KDELR3: variants seen among roughly 807,000 people sequenced by gnomAD.
KDELR3 encodes the protein KDEL endoplasmic reticulum protein retention receptor 3.
Under a neutral mutation model 22.7 loss-of-function variants are expected in KDELR3, and 26 were observed. The ratio of observed to expected loss-of-function variants is 1.15; its 90% confidence interval spans 0.84 to 1.59. The LOEUF is 1.59. Ranked by LOEUF, KDELR3 falls within the 40% of genes most tolerant of loss-of-function variation. KDELR3 has a pLI of 0.00. For synonymous variants in KDELR3, 120 were observed against 98.2 expected, an observed-to-expected ratio of 1.22 and a Z score of -1.31; for missense variants, 289 against 251.1, an observed-to-expected ratio of 1.15 and a Z score of -1.02.
rs1391714018 is a variant in KDELR3, at chr22:38,468,609, G to A, written c.91+285G>A. On this transcript the variant is annotated intron_variant, in intron 1 of 4. Coordinates refer to ENST00000216014, the MANE Select transcript of KDELR3 (RefSeq NM_006855.4). ...TGGAAGAGGGGGTTATAAGGGAGGT[G>A]ACAACCCCTCCCTCCCACCAGTTAC... Among the ~76,000 whole-genome samples, 3 of 152,134 alleles carry A rather than the reference G, an allele frequency of 2.0e-5. No homozygotes were observed. In the East Asian group the frequency reaches 5.8e-4, roughly 29 times the overall value.
chr22:38,480,319 T>C (rs2145970178), intron 3 of KDELR3, among the ~76,000 whole-genome samples: 1 of 152,120 alleles, frequency 6.6e-6, no homozygotes, highest in Admixed American at 6.5e-5. Context: ...AATTTTTGTA[T>C]TTTTAGTTGA....
Position 38,481,454 on chromosome 22 carries a change from T to C in KDELR3, c.594T>C (p.Tyr198=). ...TCTACTGTGACTTCTTCTACTTGTATGTGACCAAAGGTAGGTCCTGGGATG... is the reference window on the plus strand; with the variant it reads ...TCTACTGTGACTTCTTCTACTTGTACGTGACCAAAGGTAGGTCCTGGGATG... ...TIFYCDFFYL[Y]VTKVLKGKKL... The change falls in exon 4 of 5, where the codon TAT becomes TAC. Residue 198 remains tyrosine, a synonymous_variant. Transcript: ENST00000216014. The C allele has an allele frequency of 6.2e-7, 1 of 1,614,204 alleles. No individual in the cohort carries two copies. Among genetic ancestry groups the C allele is most frequent in the East Asian group, 2.2e-5 (1 of 44,884 alleles).
chr22:38,477,693 T>C (rs1295344885), intron 2 of KDELR3, among the ~76,000 whole-genome samples: 2 of 152,170 alleles, frequency 1.3e-5, no homozygotes, highest in African/African-American at 4.8e-5. Context: ...AGAGTGGAGG[T>C]TGCTGTTACT....
chr22:38,477,327 C>T (rs889546019), intron 2 of KDELR3, among the ~76,000 whole-genome samples: 5 of 151,894 alleles, frequency 3.3e-5, no homozygotes, highest in Non-Finnish European at 5.9e-5. Context: ...GCCTCAGCCT[C>T]CTGAGTAGCT....
chr22:38,482,655 G>A lies in KDELR3; in HGVS notation c.*119G>A, dbSNP rs1000362297. 1 of 886,314 alleles carries A rather than the reference G, an allele frequency of 1.1e-6. No individual in the cohort carries two copies. Among genetic ancestry groups the A allele is most frequent in the Non-Finnish European group, 1.8e-6 (1 of 553,114 alleles). The allele number at this position is 886,314 out of a possible 1,614,324, so 54.9% of individuals were successfully genotyped here. The stretch of plus-strand genomic sequence containing the variant: ...TGTTAAAACCAGAAAAGTGTTTAGT[G>A]TGGATTTCAGCAAAACCTGATCATC... On this transcript the variant is annotated 3_prime_UTR_variant, in exon 5 of 5. Transcript: ENST00000216014.
chr22:38,470,312 C>T (rs192446151), intron 1 of KDELR3, among the ~76,000 whole-genome samples: 9 of 152,190 alleles, frequency 5.9e-5, no homozygotes, highest in African/African-American at 1.7e-4. Context: ...TTAGTAGAGA[C>T]GGGGTTTCGC....
At chr22:38,471,807 T>C (rs2089526715) in intron 1 of KDELR3, among the ~76,000 whole-genome samples, 1 of 151,344 alleles carries the variant, frequency 6.6e-6, no homozygotes. Flanking sequence ...CTAGAAAAAA[T>C]ATAAAAATTA....
chr22:38,476,746 A>G (rs1310094063), intron 2 of KDELR3, among the ~76,000 whole-genome samples: 4 of 150,030 alleles, frequency 2.7e-5, no homozygotes, highest in South Asian at 2.1e-4. Flanking sequence ...GGCTGGTCTC[A>G]AACTCCTGAC....
intron 2 of KDELR3, among the ~76,000 whole-genome samples, chr22:38,478,565 T>C (rs6001134): frequency 1 from 113,012 of 113,014 alleles, 56,505 homozygotes; most frequent in Non-Finnish European, 1. Flanking sequence ...AGAACAAACT[T>C]TCAGGCCCAT....
chr22:38,478,629 A>ATTTT (rs55884876), intron 2 of KDELR3, among the ~76,000 whole-genome samples: 859 of 43,536 alleles, frequency 0.02, 356 homozygotes, highest in African/African-American at 0.075. Flanking sequence ...AGCATCTGTG[A>ATTTT]TTTTTTTTTT....
At chr22:38,476,726 A>G (rs890806782) in intron 2 of KDELR3, among the ~76,000 whole-genome samples, 2 of 149,126 alleles carry the variant, frequency 1.3e-5, no homozygotes, top group Non-Finnish European at 3.0e-5. Context: ...GGGTTTCACT[A>G]TGTTGGCCAG....
chr22:38,472,949 C>T, intron 1 of KDELR3, among the ~76,000 whole-genome samples: 1 of 152,176 alleles, frequency 6.6e-6, no homozygotes, highest in East Asian at 1.9e-4. Context: ...GATCTGCCCG[C>T]CTCGGCCTCC....
At chr22:38,469,922 C>G (rs2089514278) in intron 1 of KDELR3, among the ~76,000 whole-genome samples, 1 of 152,100 alleles carries the variant, frequency 6.6e-6, no homozygotes, top group South Asian at 2.1e-4. Flanking sequence ...CAGGTTCAAG[C>G]GATTCTCCTG....
chr22:38,480,864 G>T (rs1268763695), intron 3 of KDELR3, among the ~76,000 whole-genome samples: 2 of 151,994 alleles, frequency 1.3e-5, no homozygotes, highest in Non-Finnish European at 2.9e-5. Context: ...CCAGGAGTTT[G>T]AGACTGCAGC....
intron 2 of KDELR3, among the ~76,000 whole-genome samples, chr22:38,475,651 T>C (rs2089552770): frequency 6.6e-6 from 1 of 152,166 alleles, no homozygotes; most frequent in Non-Finnish European, 1.5e-5. Context: ...AGACGGAGTC[T>C]CACTGTTTTC....
intron 4 of KDELR3, 108 bp from the exon 5 acceptor site, chr22:38,482,388 T>C (rs2089609904): frequency 2.2e-6 from 2 of 911,852 alleles, no homozygotes; most frequent in Non-Finnish European, 3.6e-6. Flanking sequence ...CAATCGAACA[T>C]ATACTGTGAG....
chr22:38,482,065 T>C (rs1451800223), intron 4 of KDELR3, among the ~76,000 whole-genome samples: 1 of 152,198 alleles, frequency 6.6e-6, no homozygotes. Context: ...CACTACATTC[T>C]GATTGCCAAG....
At chr22:38,470,549 A>T (rs547039067) in intron 1 of KDELR3, among the ~76,000 whole-genome samples, 1 of 152,222 alleles carries the variant, frequency 6.6e-6, no homozygotes, top group Non-Finnish European at 1.5e-5. Flanking sequence ...GCACAGAGAG[A>T]AGTCAGAGGT....
At chr22:38,477,486 AGC>A (rs2089568566) in intron 2 of KDELR3, among the ~76,000 whole-genome samples, 1 of 152,138 alleles carries the variant, frequency 6.6e-6, no homozygotes, top group Non-Finnish European at 1.5e-5. Context: ...TACAGGCGAG[AGC>A]CACCGTGCCT....
Sources: gnomAD v4.1 joint callset for allele counts (sites outside exome capture counted in the v4.1 genomes callset) on GRCh38, gnomAD v4.1.1 for gene constraint, MANE v1.5 for transcripts, NCBI Gene and HGNC (gene_info 2026-07-23, HGNC 2026-07-21) for gene names.